The following CMIP variants were observed in gnomAD, a reference collection of about 807,000 sequenced individuals.
CMIP encodes the protein c-Maf inducing protein, also known as C-Maf-inducing protein.
A neutral mutation model predicts 97.3 loss-of-function variants in CMIP; 13 were observed. The observed-to-expected ratio is 0.13, with a 90% CI of 0.09 to 0.21. The LOEUF is 0.21. Among genes scored for constraint, CMIP ranks in the 10% least tolerant of loss-of-function variants. The pLI is 1.00. For synonymous variants in CMIP, 538 were observed against 436.3 expected (o/e 1.23, Z -2.91); for missense variants, 847 against 1,024.9 (o/e 0.83, Z 2.37).
chr16:81,681,110 G>A (rs528517918), intron 10 of CMIP, among the ~76,000 whole-genome samples: 130 of 152,310 alleles, frequency 8.5e-4, no homozygotes, highest in African/African-American at 3.0e-3. Flanking sequence ...ACGGGTTCCC[G>A]ATGGGGCTAC....
chr16:81,637,658 G>A (rs56204025), intron 3 of CMIP, among the ~76,000 whole-genome samples: 8,937 of 152,206 alleles, frequency 0.059, 377 homozygotes, highest in Non-Finnish European at 0.086. Flanking sequence ...GCAAAAACAT[G>A]GCTTGCTTGA....
Position 81,657,484 on chromosome 16 carries a change from C to T in CMIP, c.640-291C>T, listed in dbSNP as rs918575783. Reference sequence around the variant, plus strand: ...TGAGGTTACTGGAAGCCCTGTTGACCGAAGCAGGAACTGAGTCTCCCCTAG... The same window carrying T: ...TGAGGTTACTGGAAGCCCTGTTGACTGAAGCAGGAACTGAGTCTCCCCTAG... On this transcript the variant is annotated intron_variant, in intron 4 of 20. Transcript: ENST00000537098. Among the ~76,000 whole-genome samples, 10 of 152,184 alleles carry T rather than the reference C, an allele frequency of 6.6e-5. No homozygotes were observed. In the South Asian group the frequency reaches 1.5e-3, roughly 22 times the overall value.
chr16:81,454,770 A>T (rs1238598457), intron 1 of CMIP, among the ~76,000 whole-genome samples: 3 of 152,168 alleles, frequency 2.0e-5, no homozygotes, highest in African/African-American at 7.2e-5. Context: ...AGAGAGGTTT[A>T]TGTCTTGTCC....
chr16:81,635,754 C>T lies in CMIP; in HGVS notation c.477+14828C>T, dbSNP rs564015454. 1.2e-4 allele frequency among the ~76,000 whole-genome samples: 19 copies of T among 152,198 alleles called. No individual in the cohort carries two copies. In the East Asian group the frequency reaches 3.5e-3, roughly 28 times the overall value. On this transcript the variant is annotated intron_variant, in intron 3 of 20. Coordinates refer to ENST00000537098, the MANE Select transcript of CMIP (RefSeq NM_198390.3). ...CCTGTTTTTATAAATAAGGAGTTTT[C>T]AGGGTGGCGGGGACAGCTCTGCCCA...
At chr16:81,516,671 T>A (rs2089920445) in intron 1 of CMIP, among the ~76,000 whole-genome samples, 1 of 152,218 alleles carries the variant, frequency 6.6e-6, no homozygotes, top group Non-Finnish European at 1.5e-5. Flanking sequence ...GGCTGATAGC[T>A]TTAGTTGTCT....
At chr16:81,482,647 TCA>T (rs2089244020) in intron 1 of CMIP, among the ~76,000 whole-genome samples, 1 of 152,202 alleles carries the variant, frequency 6.6e-6, no homozygotes, top group South Asian at 2.1e-4. Context: ...AGCTTCCCTT[TCA>T]CAGTGACAGG....
At chr16:81,536,451 T>A (rs1440959247) in intron 1 of CMIP, among the ~76,000 whole-genome samples, 1 of 152,240 alleles carries the variant, frequency 6.6e-6, no homozygotes, top group African/African-American at 2.4e-5. Context: ...CTCTTATAGT[T>A]CATCTTTTTA....
chr16:81,554,054 C>T (rs2090713565), intron 1 of CMIP, among the ~76,000 whole-genome samples: 2 of 152,176 alleles, frequency 1.3e-5, no homozygotes, highest in African/African-American at 4.8e-5. Flanking sequence ...GGGACTTGGC[C>T]CTCTGTACTT....
At chr16:81,493,284 G>A (rs570290771) in intron 1 of CMIP, among the ~76,000 whole-genome samples, 5 of 152,314 alleles carry the variant, frequency 3.3e-5, no homozygotes, top group South Asian at 2.1e-4. Context: ...CTGGACTGGG[G>A]CCATCTGTGC....
intron 9 of CMIP, among the ~76,000 whole-genome samples, chr16:81,677,038 G>A (rs577868628): frequency 2.0e-5 from 3 of 152,302 alleles, no homozygotes; most frequent in South Asian, 2.1e-4. Flanking sequence ...TGTCCAGGTC[G>A]CATCCTGGAG....
intron 1 of CMIP, among the ~76,000 whole-genome samples, chr16:81,603,813 G>A (rs938150892): frequency 3.3e-5 from 5 of 152,198 alleles, no homozygotes; most frequent in African/African-American, 1.2e-4. Context: ...GACCCCAGAG[G>A]CAAAGATTGG....
At chr16:81,564,739 G>A (rs1259065686) in intron 1 of CMIP, among the ~76,000 whole-genome samples, 1 of 152,206 alleles carries the variant, frequency 6.6e-6, no homozygotes, top group Non-Finnish European at 1.5e-5. Flanking sequence ...TAGAAATTGG[G>A]GACTAGGGGA....
chr16:81,664,975 C>G (rs971913758), intron 7 of CMIP: 1 of 153,306 alleles, frequency 6.5e-6, no homozygotes, highest in Non-Finnish European at 1.5e-5. Flanking sequence ...CCAGTACTCC[C>G]CACGGTCAAG....
intron 1 of CMIP, among the ~76,000 whole-genome samples, chr16:81,602,235 G>C (rs892034609): frequency 1.3e-5 from 2 of 151,674 alleles, no homozygotes. Context: ...GGACATCTAT[G>C]TGCGATAATG....
Position 81,667,793 on chromosome 16 carries a change from AGAGAGAGTGTGT to A in CMIP, c.826-2347_826-2336del, listed in dbSNP as rs1466508492. On this transcript the variant is annotated intron_variant, in intron 7 of 20. Coordinates refer to ENST00000537098, the MANE Select transcript of CMIP (RefSeq NM_198390.3). Reference sequence around the variant, plus strand: ...GAGAGAGAGAGAGAGAGAGAGAGAGAGAGAGAGTGTGTGTGTGTGTGTGTGTGTGTGTGTGTG... The same window carrying A: ...GAGAGAGAGAGAGAGAGAGAGAGAGAGTGTGTGTGTGTGTGTGTGTGTGTG... Among the ~76,000 whole-genome samples, 178 of 89,540 alleles carry A rather than the reference AGAGAGAGTGTGT, an allele frequency of 2.0e-3. 1 individual carries two copies. The highest frequency in any genetic ancestry group is 6.2e-3 in the African/African-American group (139 of 22,338). The allele number at this position is 89,540 out of a possible 152,430, so 58.7% of individuals were successfully genotyped here.
intron 1 of CMIP, among the ~76,000 whole-genome samples, chr16:81,603,851 CGTTCTTTAGTTT>C (rs924765479): frequency 9.2e-5 from 14 of 152,202 alleles, no homozygotes; most frequent in Admixed American, 7.9e-4. Flanking sequence ...CGTTTGATTG[CGTTCTTTAGTTT>C]GTTCCAGGTA....
chr16:81,568,346 A>G (rs986240505), intron 1 of CMIP, among the ~76,000 whole-genome samples: 6 of 152,008 alleles, frequency 3.9e-5, no homozygotes, highest in African/African-American at 1.5e-4. Context: ...CCCTCTGCCC[A>G]CTGAAAGTGG....
chr16:81,624,106 T>C (rs1386846631), intron 3 of CMIP, among the ~76,000 whole-genome samples: 1 of 147,594 alleles, frequency 6.8e-6, no homozygotes, highest in African/African-American at 2.5e-5. Flanking sequence ...CTTGTTTCTT[T>C]TCTCTTTTCT....
At position 81,670,228 on chromosome 16, in the gene CMIP, G is replaced by T; in HGVS notation, c.912G>T (p.Val304=). The change falls in exon 8 of 21, where the codon GTG becomes GTT. Residue 304 remains valine (V), a synonymous_variant. Coordinates refer to ENST00000537098, the MANE Select transcript of CMIP (RefSeq NM_198390.3). ...AGCTCAACGCGGGGATGGAAGTGGT[G>T]AAGAAGTTCATTCAGAGGTGGGTCT... ...LNELNAGMEV[V]KKFIQSMHGP... 2 of 1,610,760 alleles carry T rather than the reference G, an allele frequency of 1.2e-6. No homozygotes were observed. Among genetic ancestry groups the T allele is most frequent in the Non-Finnish European group, 8.5e-7 (1 of 1,178,630 alleles).
Sources: allele counts gnomAD v4.1 joint callset (sites outside exome capture counted in the v4.1 genomes callset), GRCh38; gene constraint gnomAD v4.1.1; transcripts MANE v1.5; gene names NCBI Gene and HGNC (gene_info 2026-07-23, HGNC 2026-07-21).